Variants in MEGF11 observed in about 807,000 individuals in gnomAD.
MEGF11 encodes multiple epidermal growth factor-like domains protein 11.
MEGF11 carries 126 observed loss-of-function variants against 146.6 expected under a neutral mutation model. The observed-to-expected ratio is 0.86, with a 90% CI of 0.74 to 1.00. MEGF11 has a LOEUF of 1.00. MEGF11 is among the 50% of genes least tolerant of loss of function. The pLI is 0.00. For synonymous variants in MEGF11, 532 were observed against 583.4 expected, an observed-to-expected ratio of 0.91 and a Z score of 1.27; for missense variants, 1,509 against 1,521.2, an observed-to-expected ratio of 0.99 and a Z score of 0.13.
chr15:65,979,190 G>A (rs1414175094), intron 7 of MEGF11, among the ~76,000 whole-genome samples: 1 of 152,132 alleles, frequency 6.6e-6, no homozygotes, highest in African/African-American at 2.4e-5. Flanking sequence ...GGCTGCCTCA[G>A]AACCATCTGG....
intron 5 of MEGF11, among the ~76,000 whole-genome samples, chr15:66,048,106 C>A (rs1437251771): frequency 6.6e-6 from 1 of 152,138 alleles, no homozygotes; most frequent in Non-Finnish European, 1.5e-5. Flanking sequence ...CCACCACGCC[C>A]AGCTAATTTT....
At chr15:66,223,689 C>T (rs2091786054) in intron 1 of MEGF11, among the ~76,000 whole-genome samples, 1 of 151,988 alleles carries the variant, frequency 6.6e-6, no homozygotes, top group African/African-American at 2.4e-5. Flanking sequence ...TGCCATTGCG[C>T]TCCAGCCTGG....
chr15:66,046,473 G>A (rs542779521), intron 5 of MEGF11, among the ~76,000 whole-genome samples: 174 of 152,328 alleles, frequency 1.1e-3, no homozygotes, highest in Admixed American at 2.7e-3. Context: ...AGCTGAAGCC[G>A]AAGGGACGGC....
intron 16 of MEGF11, among the ~76,000 whole-genome samples, chr15:65,917,347 T>A (rs2079034421): frequency 6.6e-6 from 1 of 152,060 alleles, no homozygotes; most frequent in Admixed American, 6.5e-5. Context: ...CTTCTCTCAG[T>A]TGGTGAGCTC....
chr15:66,078,038 A>C (rs2085667024), intron 5 of MEGF11, among the ~76,000 whole-genome samples: 1 of 151,920 alleles, frequency 6.6e-6, no homozygotes, highest in African/African-American at 2.4e-5. Flanking sequence ...CAAGTGTGGG[A>C]GGGGTTGGGG....
intron 10 of MEGF11, among the ~76,000 whole-genome samples, chr15:65,957,288 C>T (rs1040884934): frequency 6.6e-6 from 1 of 152,228 alleles, no homozygotes; most frequent in Non-Finnish European, 1.5e-5. Flanking sequence ...AGGATATGGA[C>T]AGGCAGGAGC....
chr15:66,058,118 T>C (rs2084753196), intron 5 of MEGF11, among the ~76,000 whole-genome samples: 1 of 152,140 alleles, frequency 6.6e-6, no homozygotes, highest in African/African-American at 2.4e-5. Context: ...TTCTCTGATG[T>C]TTTTTATTCT....
At chr15:65,959,212 A>G (rs2080769729) in intron 9 of MEGF11, among the ~76,000 whole-genome samples, 1 of 152,140 alleles carries the variant, frequency 6.6e-6, no homozygotes, top group African/African-American at 2.4e-5. Flanking sequence ...TTCCCTTCTC[A>G]GGGCCCAACA....
chr15:65,904,659 G>A (rs77535266), intron 24 of MEGF11, among the ~76,000 whole-genome samples: 19,967 of 152,194 alleles, frequency 0.13, 1,602 homozygotes, highest in Non-Finnish European at 0.18. Flanking sequence ...AGACTAGAAC[G>A]GTAATCAGGG....
intron 1 of MEGF11, among the ~76,000 whole-genome samples, chr15:66,247,165 C>A (rs1357069061): frequency 6.6e-6 from 1 of 152,218 alleles, no homozygotes; most frequent in Non-Finnish European, 1.5e-5. Context: ...TCCCTAGCTA[C>A]TATGGCTCCC....
At chr15:66,100,517 C>T (rs1331904287) in intron 4 of MEGF11, among the ~76,000 whole-genome samples, 1 of 152,232 alleles carries the variant, frequency 6.6e-6, no homozygotes, top group African/African-American at 2.4e-5. Context: ...CCGTGGGTTA[C>T]TCAGGCAAGT....
Position 66,111,097 on chromosome 15 carries a change from A to G in MEGF11, c.301+7989T>C, listed in dbSNP as rs533732964. The stretch of plus-strand genomic sequence containing the variant: ...CTGGGCCTGCCACTTATCCATGTGG[A>G]CAAGTCACTTAGCCTCTCTGAGCTT... On this transcript the variant is annotated intron_variant, in intron 4 of 25. Transcript: ENST00000395614. Among the ~76,000 whole-genome samples, 455 of 152,334 alleles carry G rather than the reference A, an allele frequency of 3.0e-3. 1 individual carries two copies. The highest frequency in any genetic ancestry group is 0.01 in the African/African-American group (436 of 41,578).
chr15:66,049,167 G>T (rs568486080), intron 5 of MEGF11, among the ~76,000 whole-genome samples: 1 of 152,314 alleles, frequency 6.6e-6, no homozygotes, highest in South Asian at 2.1e-4. Context: ...GCTCCCAGAT[G>T]GGCTATTATT....
intron 5 of MEGF11, among the ~76,000 whole-genome samples, chr15:66,010,200 CT>C (rs112970231): frequency 7.3e-5 from 10 of 137,502 alleles, no homozygotes; most frequent in Non-Finnish European, 9.2e-5. Flanking sequence ...CTCATAATTT[CT>C]TTTTTTTTTT....
intron 1 of MEGF11, among the ~76,000 whole-genome samples, chr15:66,136,172 C>CA (rs908793250): frequency 6.6e-6 from 1 of 152,200 alleles, no homozygotes; most frequent in African/African-American, 2.4e-5. Context: ...GGTGAGAGAA[C>CA]AACAGTTTCT....
At chr15:66,212,300 C>T (rs957658450) in intron 1 of MEGF11, among the ~76,000 whole-genome samples, 1 of 152,142 alleles carries the variant, frequency 6.6e-6, no homozygotes, top group African/African-American at 2.4e-5. Context: ...CACGGCCGAA[C>T]CCCAGGCCCA....
At chr15:66,085,168 C>G (rs1037051529) in intron 5 of MEGF11, among the ~76,000 whole-genome samples, 3 of 152,116 alleles carry the variant, frequency 2.0e-5, no homozygotes, top group Non-Finnish European at 4.4e-5. Flanking sequence ...GTAGCCGCAG[C>G]GAGATCTGCC....
intron 4 of MEGF11, among the ~76,000 whole-genome samples, chr15:66,111,193 C>T (rs17241679): frequency 6.6e-6 from 1 of 152,198 alleles, no homozygotes; most frequent in Non-Finnish European, 1.5e-5. Context: ...AGATGATATA[C>T]TGCAGGTGAA....
intron 5 of MEGF11, among the ~76,000 whole-genome samples, chr15:66,044,682 AT>A (rs2084122936): frequency 5.7e-3 from 2 of 352 alleles, no homozygotes; most frequent in East Asian, 0.17. Context: ...ATCACTAAAA[AT>A]AATAATAATA....
Sources: allele counts gnomAD v4.1 joint callset (sites outside exome capture counted in the v4.1 genomes callset), GRCh38; gene constraint gnomAD v4.1.1; transcripts MANE v1.5; gene names NCBI Gene and HGNC (gene_info 2026-07-23, HGNC 2026-07-21).